The following ACSM1 variants were observed in gnomAD, a reference collection of about 807,000 sequenced individuals.
The protein encoded by ACSM1 is acyl-CoA synthetase medium chain family member 1.
A neutral mutation model predicts 75.8 loss-of-function variants in ACSM1; 79 were observed. The ratio of observed to expected loss-of-function variants is 1.04; its 90% CI spans 0.87 to 1.26. ACSM1 has a LOEUF of 1.26. Among genes scored for constraint, ACSM1 ranks in the 50% most tolerant of loss-of-function variants. The pLI is 0.00. For missense variants in ACSM1, 676 were observed against 720.1 expected (o/e 0.94, Z 0.70); for synonymous variants, 279 against 265.8 (o/e 1.05, Z -0.48).
chr16:20,666,216 T>C (rs2019558112), intron 6 of ACSM1, among the ~76,000 whole-genome samples: 1 of 152,122 alleles, frequency 6.6e-6, no homozygotes, highest in South Asian at 2.1e-4. Context: ...TATATGATTA[T>C]ATACATTAAA....
intron 7 of ACSM1, among the ~76,000 whole-genome samples, chr16:20,645,378 C>T (rs1001637768): frequency 6.6e-6 from 1 of 152,130 alleles, no homozygotes; most frequent in East Asian, 1.9e-4. Context: ...AACGTTCCCC[C>T]CAAGGCAAAA....
chr16:20,690,988 A>T lies in ACSM1; in HGVS notation c.192+9T>A, dbSNP rs116005516. 2.1e-3 allele frequency: 3,444 copies of T among 1,605,584 alleles called. 62 individuals carry two copies. The African/African-American group carries it at 0.04, about 19-fold the overall frequency. On this transcript the variant is annotated intron_variant, in intron 2 of 13. Transcript: ENST00000520010. ...TGTTCTTATATCGCCATCACGGCAGATCTCTTACCTTCTCCTTTTGAGCCC... is the reference window on the plus strand; with the variant it reads ...TGTTCTTATATCGCCATCACGGCAGTTCTCTTACCTTCTCCTTTTGAGCCC...
intron 6 of ACSM1, among the ~76,000 whole-genome samples, chr16:20,669,417 A>G (rs544995967): frequency 1.3e-5 from 2 of 150,244 alleles, no homozygotes; most frequent in South Asian, 4.3e-4. Context: ...CTGTTTTTAA[A>G]CATTTTATCA....
chr16:20,652,032 C>A (rs1458473066), intron 7 of ACSM1, among the ~76,000 whole-genome samples: 1 of 152,064 alleles, frequency 6.6e-6, no homozygotes, highest in Non-Finnish European at 1.5e-5. Flanking sequence ...ATGAAAACAG[C>A]TAAATACTGA....
At chr16:20,662,648 C>T (rs532834528) in intron 6 of ACSM1, among the ~76,000 whole-genome samples, 2 of 152,136 alleles carry the variant, frequency 1.3e-5, no homozygotes, top group Non-Finnish European at 2.9e-5. Flanking sequence ...AAAATGGGAA[C>T]GTCCATATAT....
In ACSM1 at chr16:20,640,568, G is replaced by C. The variant is rs749354099; in HGVS notation, c.1009C>G (p.Leu337Val). 1.2e-6 allele frequency: 2 copies of C among 1,614,174 alleles called. No individual in the cohort carries two copies. Among genetic ancestry groups the C allele is most frequent in the Non-Finnish European group, 1.7e-6 (2 of 1,179,998 alleles). The stretch of plus-strand genomic sequence containing the variant: ...TCCCCGCCAGTATAGCAGTGCTCCA[G>C]GGCAGGGAACCTGATGCTTAGAGGA... ...QDFTSIRFPA[L>V]EHCYTGGEVV... Residue 337 changes from leucine to valine, a missense_variant, in exon 8 of 14, where the codon CTG becomes GTG. Leu to Val is a conservative substitution (Grantham distance 32). Transcript: ENST00000520010.
chr16:20,637,903 T>A (rs185948052), intron 8 of ACSM1, among the ~76,000 whole-genome samples: 2 of 152,168 alleles, frequency 1.3e-5, no homozygotes, highest in African/African-American at 2.4e-5. Context: ...GATGCCAACT[T>A]TTCCCCCTGT....
chr16:20,668,116 C>A (rs1297880185), intron 6 of ACSM1, among the ~76,000 whole-genome samples: 1 of 152,054 alleles, frequency 6.6e-6, no homozygotes, highest in Non-Finnish European at 1.5e-5. Flanking sequence ...CAGAATCATG[C>A]AATATACTCA....
intron 7 of ACSM1, among the ~76,000 whole-genome samples, chr16:20,641,230 A>G (rs1191867565): frequency 6.6e-6 from 1 of 152,232 alleles, no homozygotes; most frequent in East Asian, 1.9e-4. Context: ...TATTTCTTTG[A>G]CATATTTTGA....
chr16:20,627,368 G>A lies in ACSM1; in HGVS notation c.1300-52C>T, dbSNP rs2017004718. 5 of 1,521,946 alleles carry A rather than the reference G, an allele frequency of 3.3e-6. No homozygotes were observed. In the East Asian group the frequency reaches 1.3e-4, roughly 39 times the overall value. The allele number at this position is 1,521,946 out of a possible 1,614,324, so 94.3% of individuals were successfully genotyped here. A position where few individuals can be genotyped will look rare whatever the true frequency, so the allele number is the denominator to read the frequency against. On this transcript the variant is annotated intron_variant, in intron 10 of 13. Transcript: ENST00000520010. ...TGAAGGCAGTGAATTTAGAGGTGATGAGCCACAACCTTGGGTTCCAATCTG... is the reference window on the plus strand; with the variant it reads ...TGAAGGCAGTGAATTTAGAGGTGATAAGCCACAACCTTGGGTTCCAATCTG...
chr16:20,632,312 A>T (rs2017400357), intron 10 of ACSM1, among the ~76,000 whole-genome samples: 1 of 152,244 alleles, frequency 6.6e-6, no homozygotes, highest in Non-Finnish European at 1.5e-5. Flanking sequence ...TGAAGAGATG[A>T]CAAGTCTTCA....
intron 5 of ACSM1, among the ~76,000 whole-genome samples, chr16:20,671,013 T>C (rs1004510432): frequency 4.6e-5 from 7 of 152,206 alleles, no homozygotes; most frequent in Non-Finnish European, 1.0e-4. Flanking sequence ...AACCCAAGGA[T>C]AGAGCTTTGC....
rs2017112032 is a variant in ACSM1, at chr16:20,628,213, G to A, written c.1300-897C>T. ...TACTCTTCACTAGTTTTCCACAGTG[G>A]TACCATCTTGCAAAACCATATGATC... On this transcript the variant is annotated intron_variant, in intron 10 of 13. Transcript: ENST00000520010. 2.0e-5 allele frequency among the ~76,000 whole-genome samples: 3 copies of A among 152,100 alleles called. No homozygotes were observed. In the South Asian group the frequency reaches 6.2e-4, roughly 32 times the overall value.
intron 1 of ACSM1, among the ~76,000 whole-genome samples, chr16:20,692,508 C>T (rs539881508): frequency 1.3e-5 from 2 of 152,118 alleles, no homozygotes; most frequent in Admixed American, 1.3e-4. Context: ...TATTGTGCAC[C>T]GGTATCTCTC....
At chr16:20,645,404 A>C (rs2018305073) in intron 7 of ACSM1, among the ~76,000 whole-genome samples, 1 of 152,194 alleles carries the variant, frequency 6.6e-6, no homozygotes, top group South Asian at 2.1e-4. Flanking sequence ...CCTAAGATGT[A>C]TTCTGGAGAA....
At chr16:20,647,046 T>C (rs1379404036) in intron 7 of ACSM1, among the ~76,000 whole-genome samples, 4 of 152,242 alleles carry the variant, frequency 2.6e-5, no homozygotes, top group African/African-American at 9.6e-5. Flanking sequence ...TTGAAAAGCC[T>C]CAATTTCCTT....
At chr16:20,655,660 A>G (rs1376691253) in intron 7 of ACSM1, among the ~76,000 whole-genome samples, 2 of 152,058 alleles carry the variant, frequency 1.3e-5, no homozygotes, top group Middle Eastern at 3.4e-3. Flanking sequence ...TTATTATTTT[A>G]TTTTGTTTTG....
chr16:20,629,575 T>C (rs2017208702), intron 10 of ACSM1, among the ~76,000 whole-genome samples: 1 of 152,208 alleles, frequency 6.6e-6, no homozygotes, highest in Non-Finnish European at 1.5e-5. Flanking sequence ...AAGTCCTTCC[T>C]TATCAGTAAT....
intron 10 of ACSM1, among the ~76,000 whole-genome samples, chr16:20,634,494 G>A (rs1203132493): frequency 1.3e-5 from 2 of 152,216 alleles, no homozygotes; most frequent in Non-Finnish European, 2.9e-5. Flanking sequence ...TATACATACA[G>A]TGGAATTTTA....
Sources: allele counts gnomAD v4.1 joint callset (sites outside exome capture counted in the v4.1 genomes callset), GRCh38; gene constraint gnomAD v4.1.1; transcripts MANE v1.5; gene names NCBI Gene and HGNC (gene_info 2026-07-23, HGNC 2026-07-21).